PCDH15: variants seen among roughly 807,000 people sequenced by gnomAD.
PCDH15 encodes the protein protocadherin-15.
A neutral mutation model predicts 178.5 loss-of-function variants in PCDH15; 129 were observed. That is an observed-to-expected ratio of 0.72 (90% confidence interval 0.63 to 0.84). The LOEUF (loss-of-function observed/expected upper bound fraction) is 0.84, where lower values mean the gene tolerates loss of function less well. Ranked by LOEUF, PCDH15 falls within the 40% of genes least tolerant of loss-of-function variation. The pLI is 0.00. For synonymous variants in PCDH15, 800 were observed against 732.0 expected (o/e 1.09, Z -1.50); for missense variants, 2,230 against 2,099.9 (o/e 1.06, Z -1.21).
At chr10:54,502,536 A>G (rs540445505) in intron 3 of PCDH15, among the ~76,000 whole-genome samples, 1 of 152,080 alleles carries the variant, frequency 6.6e-6, no homozygotes, top group Non-Finnish European at 1.5e-5. Context: ...TATAAGTTCT[A>G]TAAAAGTTGG....
intron 2 of PCDH15, among the ~76,000 whole-genome samples, chr10:55,542,410 T>G (rs892477516): frequency 1.3e-5 from 2 of 151,030 alleles, no homozygotes; most frequent in African/African-American, 4.8e-5. Flanking sequence ...CATATGTATA[T>G]GTACATATGT....
chr10:54,666,138 A>AATGAGTACCCCCTAAAGCTTAAT, intron 1 of PCDH15, among the ~76,000 whole-genome samples: 1 of 152,176 alleles, frequency 6.6e-6, no homozygotes, highest in South Asian at 2.1e-4. Context: ...GTACTTACAG[A>AATGAGTACCCCCTAAAGCTTAAT]ATGAGTACCC....
intron 3 of PCDH15, among the ~76,000 whole-genome samples, chr10:54,505,225 A>G (rs1322413424): frequency 6.6e-6 from 1 of 152,118 alleles, no homozygotes; most frequent in Non-Finnish European, 1.5e-5. Context: ...TATGCCTCTT[A>G]TCAAAGGAAC....
intron 15 of PCDH15, among the ~76,000 whole-genome samples, chr10:54,099,575 A>G (rs968059594): frequency 2.0e-5 from 3 of 150,042 alleles, no homozygotes; most frequent in African/African-American, 7.3e-5. Context: ...ATAGTTATCA[A>G]AGATCAATTG....
intron 2 of PCDH15, among the ~76,000 whole-genome samples, chr10:54,591,377 T>G (rs1161307587): frequency 2.6e-5 from 4 of 152,186 alleles, no homozygotes; most frequent in Admixed American, 2.6e-4. Context: ...CAGGCAAATG[T>G]AACATTGCTA....
chr10:53,814,323 A>G (rs1564518809), intron 35 of PCDH15, among the ~76,000 whole-genome samples: 1 of 151,854 alleles, frequency 6.6e-6, no homozygotes, highest in South Asian at 2.1e-4. Flanking sequence ...GTAAATATTT[A>G]TGGAGAAATA....
intron 2 of PCDH15, among the ~76,000 whole-genome samples, chr10:55,499,846 T>C (rs1301947836): frequency 6.6e-6 from 1 of 151,726 alleles, no homozygotes; most frequent in East Asian, 1.9e-4. Context: ...GAATAAAAGA[T>C]TTCAAATATC....
chr10:53,836,992 C>A (rs2077345142), intron 29 of PCDH15, among the ~76,000 whole-genome samples: 1 of 151,574 alleles, frequency 6.6e-6, no homozygotes, highest in Non-Finnish European at 1.5e-5. Flanking sequence ...TGAAGAATTT[C>A]TTCAGTGAGT....
intron 2 of PCDH15, among the ~76,000 whole-genome samples, chr10:54,907,846 T>C (rs1954751135): frequency 6.6e-6 from 1 of 152,190 alleles, no homozygotes; most frequent in African/African-American, 2.4e-5. Flanking sequence ...AGATACACCA[T>C]ACCCTATGAA....
chr10:54,120,640 TA>T (rs1564467079), intron 15 of PCDH15, among the ~76,000 whole-genome samples: 1 of 152,110 alleles, frequency 6.6e-6, no homozygotes, highest in East Asian at 1.9e-4. Flanking sequence ...ACTATTCTCA[TA>T]TCAGATAAAA....
At position 53,984,702 on chromosome 10, in the gene PCDH15, TG is replaced by T. The variant is rs149230969; in HGVS notation, c.2868+10946del. On this transcript the variant is annotated intron_variant, in intron 21 of 37. Coordinates refer to ENST00000644397, the MANE Select transcript of PCDH15 (RefSeq NM_001384140.1). ...CATTGATGGATCTTCAAGGCATATT[TG>T]TTTATTCATTTCTTTCTCTTCTTTT... 9.2e-3 allele frequency among the ~76,000 whole-genome samples: 1,395 copies of T among 152,326 alleles called. 20 individuals carry two copies. The highest frequency in any genetic ancestry group is 0.033 in the African/African-American group (1,355 of 41,572).
intron 2 of PCDH15, among the ~76,000 whole-genome samples, chr10:55,121,362 G>GT (rs1322738825): frequency 2.6e-4 from 39 of 150,248 alleles, no homozygotes; most frequent in Admixed American, 2.0e-3. Context: ...CAGAGCTGGG[G>GT]GGGGGCAATT....
At chr10:55,343,448 T>C (rs1844658921) in intron 2 of PCDH15, among the ~76,000 whole-genome samples, 1 of 152,272 alleles carries the variant, frequency 6.6e-6, no homozygotes, top group South Asian at 2.1e-4. Context: ...ACCAAATATC[T>C]TTCTCTCTTT....
At chr10:54,420,189 A>T (rs1758828) in intron 3 of PCDH15, among the ~76,000 whole-genome samples, 31,259 of 152,008 alleles carry the variant, frequency 0.21, 3,992 homozygotes, top group African/African-American at 0.36. Flanking sequence ...TTATATTTAA[A>T]TTGTTAATAT....
intron 2 of PCDH15, among the ~76,000 whole-genome samples, chr10:55,367,607 C>CA: frequency 6.6e-6 from 1 of 151,522 alleles, no homozygotes; most frequent in Non-Finnish European, 1.5e-5. Context: ...ACAAAACAAA[C>CA]AAAAGACAAA....
chr10:55,441,720 G>A (rs984333068), intron 2 of PCDH15, among the ~76,000 whole-genome samples: 1 of 152,144 alleles, frequency 6.6e-6, no homozygotes, highest in Non-Finnish European at 1.5e-5. Flanking sequence ...AGAGTGAATG[G>A]TGGCTCAAAA....
chr10:54,566,512 C>T (rs77159138), intron 2 of PCDH15, among the ~76,000 whole-genome samples: 4 of 152,112 alleles, frequency 2.6e-5, no homozygotes, highest in Admixed American at 2.0e-4. Flanking sequence ...CTGACCACAA[C>T]CCCCTGACAA....
At chr10:54,746,076 A>G (rs568800344) in intron 1 of PCDH15, among the ~76,000 whole-genome samples, 2 of 152,266 alleles carry the variant, frequency 1.3e-5, no homozygotes, top group African/African-American at 4.8e-5. Flanking sequence ...ATTGAATGTT[A>G]TCTTGCACTC....
At chr10:54,280,181 C>A (rs1228563469) in intron 8 of PCDH15, among the ~76,000 whole-genome samples, 1 of 151,668 alleles carries the variant, frequency 6.6e-6, no homozygotes, top group Non-Finnish European at 1.5e-5. Context: ...TAAAACCCTG[C>A]TACCCATTTC....
Sources: gnomAD v4.1 joint callset for allele counts (sites outside exome capture counted in the v4.1 genomes callset) on GRCh38, gnomAD v4.1.1 for gene constraint, MANE v1.5 for transcripts, NCBI Gene and HGNC (gene_info 2026-07-23, HGNC 2026-07-21) for gene names.